The following ATG5 variants were observed in gnomAD, a reference collection of about 807,000 sequenced individuals.
The protein encoded by ATG5 is autophagy related 5.
Under a neutral mutation model 36.5 loss-of-function variants are expected in ATG5, and 14 were observed. The ratio of observed to expected loss-of-function variants is 0.38; its 90% CI spans 0.25 to 0.60. ATG5 has a LOEUF of 0.60. Among genes scored for constraint, ATG5 ranks in the 20% least tolerant of loss-of-function variants. ATG5 has a pLI of 0.60. For missense variants in ATG5, 195 were observed against 326.7 expected (o/e 0.60, Z 3.11); for synonymous variants, 95 against 101.5 (o/e 0.94, Z 0.38).
intron 2 of ATG5, among the ~76,000 whole-genome samples, chr6:106,315,393 A>C (rs1770803443): frequency 6.6e-6 from 1 of 152,226 alleles, no homozygotes; most frequent in Non-Finnish European, 1.5e-5. Context: ...GTGAACAGGC[A>C]GGATGTCATC....
chr6:106,228,828 G>T (rs1582578871), intron 6 of ATG5, among the ~76,000 whole-genome samples: 1 of 152,178 alleles, frequency 6.6e-6, no homozygotes, highest in East Asian at 1.9e-4. Context: ...AGGCTATCTG[G>T]GGAAGGGCTT....
chr6:106,300,826 T>C, intron 3 of ATG5, among the ~76,000 whole-genome samples: 1 of 152,108 alleles, frequency 6.6e-6, no homozygotes, highest in East Asian at 1.9e-4. Context: ...CAAGAGTATG[T>C]ATTTTTTTTT....
At chr6:106,244,676 T>C (rs958054648) in intron 6 of ATG5, among the ~76,000 whole-genome samples, 3 of 152,250 alleles carry the variant, frequency 2.0e-5, no homozygotes, top group Non-Finnish European at 4.4e-5. Context: ...CTTAGTTGAT[T>C]TGTTTCTTTC....
chr6:106,305,091 CAAA>C (rs71756848), intron 3 of ATG5, among the ~76,000 whole-genome samples: 12 of 118,496 alleles, frequency 1.0e-4, no homozygotes, highest in Admixed American at 3.6e-4. Flanking sequence ...AACTCCGTCT[CAAA>C]AAAAAAAAAA....
At chr6:106,255,192 AAGTCTG>A in intron 5 of ATG5, among the ~76,000 whole-genome samples, 1 of 152,194 alleles carries the variant, frequency 6.6e-6, no homozygotes. Context: ...CTTGACAAGC[AAGTCTG>A]AGTTCCAACT....
At chr6:106,324,195 G>GA (rs1272458230) in intron 1 of ATG5, among the ~76,000 whole-genome samples, 4 of 151,342 alleles carry the variant, frequency 2.6e-5, no homozygotes, top group Non-Finnish European at 5.9e-5. Flanking sequence ...TTCGGGGAAG[G>GA]AAAAAAAAGT....
rs569397517 is a variant in ATG5 at position 106,306,318 on chromosome 6, GACAGCATAAA to G, written c.236+2036_236+2045del. On this transcript the variant is annotated intron_variant, in intron 3 of 7. Transcript: ENST00000369076. ...GAATACAAGAATAACCACCATGAGGGACAGCATAAAACAGCAGCTGAAAGATGATGACTTA... is the reference window on the plus strand; with the variant it reads ...GAATACAAGAATAACCACCATGAGGGACAGCAGCTGAAAGATGATGACTTA... 3.4e-3 allele frequency among the ~76,000 whole-genome samples: 512 copies of G among 152,264 alleles called. 3 individuals carry two copies. The highest frequency in any genetic ancestry group is 0.013 in the South Asian group (64 of 4,816).
At chr6:106,269,377 G>A (rs1779352587) in intron 5 of ATG5, among the ~76,000 whole-genome samples, 1 of 146,076 alleles carries the variant, frequency 6.8e-6, no homozygotes, top group Admixed American at 6.9e-5. Flanking sequence ...TGCTGGTGGA[G>A]CTGCCTGCCA....
intron 6 of ATG5, among the ~76,000 whole-genome samples, chr6:106,213,695 T>G (rs1021649569): frequency 1.3e-5 from 2 of 152,128 alleles, no homozygotes; most frequent in African/African-American, 4.8e-5. Flanking sequence ...TAACAAAGGT[T>G]TGGTTGGAAT....
chr6:106,247,561 G>A (rs749064745), intron 6 of ATG5, among the ~76,000 whole-genome samples: 41 of 152,128 alleles, frequency 2.7e-4, no homozygotes, highest in Non-Finnish European at 5.6e-4. Context: ...ATCGCTCCTG[G>A]GGGAATACAA....
chr6:106,260,532 CTTTA>C (rs1778978456), intron 5 of ATG5, among the ~76,000 whole-genome samples: 1 of 152,142 alleles, frequency 6.6e-6, no homozygotes, highest in Non-Finnish European at 1.5e-5. Flanking sequence ...ACTAAACATG[CTTTA>C]TTTTAGATGA....
chr6:106,223,513 GC>G (rs1777329600), intron 6 of ATG5, among the ~76,000 whole-genome samples: 1 of 152,156 alleles, frequency 6.6e-6, no homozygotes, highest in Non-Finnish European at 1.5e-5. Flanking sequence ...GTGTTGGGCT[GC>G]CCCCTACAGG....
intron 5 of ATG5, among the ~76,000 whole-genome samples, chr6:106,258,340 CT>C (rs149826841): frequency 6.6e-6 from 1 of 151,884 alleles, no homozygotes; most frequent in Non-Finnish European, 1.5e-5. Context: ...ACCACTGCAT[CT>C]TAGCCTGGGT....
chr6:106,240,541 C>T (rs1013591299), intron 6 of ATG5, among the ~76,000 whole-genome samples: 10 of 151,546 alleles, frequency 6.6e-5, no homozygotes, highest in African/African-American at 2.2e-4. Flanking sequence ...CTCTCTATAC[C>T]CACAATACTA....
chr6:106,264,881 G>C (rs986464922), intron 5 of ATG5, among the ~76,000 whole-genome samples: 1 of 152,080 alleles, frequency 6.6e-6, no homozygotes, highest in Non-Finnish European at 1.5e-5. Context: ...ACCAGCCACT[G>C]CAAAAAACAC....
Position 106,279,660 on chromosome 6 carries a change from C to A in ATG5, c.478+1G>T. ...CTAAAATTAAACACTATTATACTTA[C>A]CATTTTGCAATCCCATCCAGAGTTG... On this transcript the variant is annotated splice_donor_variant, in intron 5 of 7. Transcript: ENST00000369076. LOFTEE classifies it high-confidence loss of function. 6.3e-7 allele frequency: 1 copy of A among 1,586,238 alleles called. No individual in the cohort carries two copies. The highest frequency in any genetic ancestry group is 8.6e-7 in the Non-Finnish European group (1 of 1,166,456).
intron 6 of ATG5, among the ~76,000 whole-genome samples, chr6:106,219,951 C>T (rs1200817967): frequency 1.3e-5 from 2 of 152,154 alleles, no homozygotes; most frequent in Non-Finnish European, 1.5e-5. Flanking sequence ...CCTCTACCAA[C>T]CTGCTTATCC....
intron 5 of ATG5, among the ~76,000 whole-genome samples, chr6:106,253,021 G>C (rs139543813): frequency 2.0e-5 from 3 of 152,194 alleles, no homozygotes; most frequent in Non-Finnish European, 2.9e-5. Context: ...TGTAATAATT[G>C]TATTGTTTTA....
At chr6:106,301,073 A>G (rs1770187722) in intron 3 of ATG5, among the ~76,000 whole-genome samples, 1 of 152,016 alleles carries the variant, frequency 6.6e-6, no homozygotes, top group African/African-American at 2.4e-5. Flanking sequence ...AAACTAACAA[A>G]TATAAAATGT....
Sources: gnomAD v4.1 joint callset for allele counts (sites outside exome capture counted in the v4.1 genomes callset) on GRCh38, gnomAD v4.1.1 for gene constraint, MANE v1.5 for transcripts, NCBI Gene and HGNC (gene_info 2026-07-23, HGNC 2026-07-21) for gene names.